The following CCDC178 variants were observed in gnomAD, a reference collection of about 807,000 sequenced individuals.
CCDC178 encodes the protein coiled-coil domain-containing protein 178.
A neutral mutation model predicts 117.4 loss-of-function variants in CCDC178; 126 were observed. That is an observed-to-expected ratio of 1.07 (90% CI 0.93 to 1.24). CCDC178 has a LOEUF of 1.24. Among genes scored for constraint, CCDC178 ranks in the 50% most tolerant of loss-of-function variants. CCDC178 has a pLI of 0.00. For synonymous variants in CCDC178, 283 were observed against 313.4 expected (o/e 0.90, Z 1.02); for missense variants, 1,030 against 986.9 (o/e 1.04, Z -0.59).
intron 20 of CCDC178, among the ~76,000 whole-genome samples, chr18:33,135,228 G>A (rs1418401131): frequency 6.6e-6 from 1 of 151,680 alleles, no homozygotes; most frequent in African/African-American, 2.4e-5. Context: ...AGTTAAACTT[G>A]GAAAAGTCAA....
rs370629944 is a variant in CCDC178, at chr18:33,389,502, T to TTATA, written c.208+34_208+37dup. 9.0e-4 allele frequency: 879 copies of TTATA among 977,660 alleles called. 4 individuals are homozygous for TTATA. In the African/African-American group the frequency reaches 0.013, roughly 15 times the overall value. The allele number at this position is 977,660 out of a possible 1,614,324, so 60.6% of individuals were successfully genotyped here. ...ACTAATGAGATAATATAAATATAGTTTATATAGTTTACTATATGATTTACA... is the reference window on the plus strand; with the variant it reads ...ACTAATGAGATAATATAAATATAGTTTATATATATAGTTTACTATATGATTTACA... On this transcript the variant is annotated intron_variant, in intron 5 of 22. Coordinates refer to ENST00000383096, the MANE Select transcript of CCDC178 (RefSeq NM_001105528.4).
chr18:33,104,190 C>T (rs2057669832), intron 20 of CCDC178, among the ~76,000 whole-genome samples: 1 of 151,694 alleles, frequency 6.6e-6, no homozygotes, highest in South Asian at 2.1e-4. Context: ...ATATCTAGAT[C>T]TTCCAGGTTT....
chr18:33,415,329 A>G (rs1263025622), intron 2 of CCDC178, among the ~76,000 whole-genome samples: 1 of 152,208 alleles, frequency 6.6e-6, no homozygotes, highest in East Asian at 1.9e-4. Context: ...AGACCGGATT[A>G]AGAAAATGTG....
chr18:32,992,930 C>T (rs559810585), intron 21 of CCDC178, among the ~76,000 whole-genome samples: 6 of 152,200 alleles, frequency 3.9e-5, no homozygotes, highest in Non-Finnish European at 8.8e-5. Context: ...CTTTGGGAGG[C>T]CAAGGAGGGC....
Position 33,223,133 on chromosome 18 carries a change from T to A in CCDC178, c.1905A>T (p.Lys635Asn). Reference sequence around the variant, plus strand: ...CAGTTTCTATTAATGCATCAAGGGTTTTCTTCCCCTTTTTTCGTAATTTTT... The same window carrying A: ...CAGTTTCTATTAATGCATCAAGGGTATTCTTCCCCTTTTTTCGTAATTTTT... ...VKKKLRKKGK[K>N]TLDALIETES... Residue 635 changes from lysine (K) to asparagine (N), a missense_variant, in exon 18 of 23, where the codon AAA becomes AAT. Lys to Asn is a moderately conservative substitution (Grantham distance 94). Coordinates refer to ENST00000383096, the MANE Select transcript of CCDC178 (RefSeq NM_001105528.4). 6.2e-7 allele frequency: 1 copy of A among 1,604,812 alleles called. No homozygotes were observed. Among genetic ancestry groups the A allele is most frequent in the Non-Finnish European group, 8.5e-7 (1 of 1,173,842 alleles).
chr18:33,326,571 A>C (rs776090125), intron 10 of CCDC178, among the ~76,000 whole-genome samples: 1 of 152,202 alleles, frequency 6.6e-6, no homozygotes, highest in South Asian at 2.1e-4. Context: ...GTGGGACCTT[A>C]ATTTATATTT....
chr18:33,426,409 C>CT (rs1358285324), intron 2 of CCDC178, among the ~76,000 whole-genome samples: 2 of 152,156 alleles, frequency 1.3e-5, no homozygotes, highest in Non-Finnish European at 2.9e-5. Context: ...CCAGACACAT[C>CT]TTTTTTGGTA....
chr18:33,208,128 TTG>T (rs1253371621), intron 20 of CCDC178, among the ~76,000 whole-genome samples: 4 of 152,214 alleles, frequency 2.6e-5, no homozygotes, highest in African/African-American at 7.2e-5. Flanking sequence ...ATTTATATAA[TTG>T]TGTGTGATTA....
chr18:33,035,088 T>C (rs561703447), intron 21 of CCDC178, among the ~76,000 whole-genome samples: 1 of 152,048 alleles, frequency 6.6e-6, no homozygotes, highest in Admixed American at 6.6e-5. Flanking sequence ...TAGAACTCTG[T>C]AGAGAGCCAC....
chr18:33,091,132 C>G (rs1297350183), intron 21 of CCDC178, among the ~76,000 whole-genome samples: 1 of 152,002 alleles, frequency 6.6e-6, no homozygotes, highest in East Asian at 1.9e-4. Flanking sequence ...TTATTTTCTG[C>G]TTCTCAATTA....
At chr18:33,087,395 G>A (rs777867708) in intron 21 of CCDC178, among the ~76,000 whole-genome samples, 4 of 152,056 alleles carry the variant, frequency 2.6e-5, no homozygotes, top group Admixed American at 6.6e-5. Context: ...CTCCTGTCTC[G>A]GGCATCCCCA....
intron 20 of CCDC178, among the ~76,000 whole-genome samples, chr18:33,192,452 A>G (rs2058870188): frequency 1.3e-5 from 2 of 152,218 alleles, no homozygotes; most frequent in Admixed American, 6.5e-5. Flanking sequence ...TAAAAAATAC[A>G]TGATGTGGAC....
intron 22 of CCDC178, 114 bp downstream of exon 22, chr18:32,974,433 T>C: frequency 9.9e-7 from 1 of 1,007,706 alleles, no homozygotes; most frequent in Non-Finnish European, 1.5e-6. Context: ...TTAAAGAGGT[T>C]AAAAATTTAT....
At chr18:33,080,082 A>G (rs1020857473) in intron 21 of CCDC178, among the ~76,000 whole-genome samples, 6 of 152,218 alleles carry the variant, frequency 3.9e-5, no homozygotes, top group Admixed American at 3.3e-4. Context: ...ACACCATGGA[A>G]CACTATGCAG....
intron 7 of CCDC178, among the ~76,000 whole-genome samples, chr18:33,352,609 G>C (rs2062992950): frequency 6.6e-6 from 1 of 152,032 alleles, no homozygotes; most frequent in African/African-American, 2.4e-5. Context: ...AATACATTGT[G>C]TTTTCATTTT....
intron 21 of CCDC178, among the ~76,000 whole-genome samples, chr18:33,080,333 G>T (rs2057278011): frequency 6.6e-6 from 1 of 152,140 alleles, no homozygotes; most frequent in East Asian, 1.9e-4. Context: ...TAGTACCGGT[G>T]TGACAAAATA....
intron 22 of CCDC178, among the ~76,000 whole-genome samples, chr18:32,940,699 C>T (rs2054219071): frequency 6.6e-6 from 1 of 152,000 alleles, no homozygotes. Flanking sequence ...AAGTAGACCC[C>T]AGTGTCTGTT....
chr18:33,249,439 T>C (rs1166890010), intron 14 of CCDC178, among the ~76,000 whole-genome samples: 6 of 152,138 alleles, frequency 3.9e-5, no homozygotes, highest in Non-Finnish European at 8.8e-5. Flanking sequence ...TTAATAAATT[T>C]TTGTATAAGG....
intron 22 of CCDC178, among the ~76,000 whole-genome samples, chr18:32,938,909 G>C (rs1311401145): frequency 2.6e-5 from 4 of 152,124 alleles, no homozygotes; most frequent in Non-Finnish European, 1.5e-5. Flanking sequence ...TGTGTGCTCT[G>C]ATTTTCAATA....
Sources: allele counts gnomAD v4.1 joint callset (sites outside exome capture counted in the v4.1 genomes callset), GRCh38; gene constraint gnomAD v4.1.1; transcripts MANE v1.5; gene names NCBI Gene and HGNC (gene_info 2026-07-23, HGNC 2026-07-21).